The following TMEM163 variants were observed in gnomAD, a reference collection of about 807,000 sequenced individuals.
TMEM163 encodes transmembrane protein 163.
TMEM163 carries 17 observed loss-of-function variants against 29.3 expected under a neutral mutation model. That is an observed-to-expected ratio of 0.58 (90% CI 0.40 to 0.87). The LOEUF is 0.87. TMEM163 is among the 40% of genes least tolerant of loss of function. The probability of loss-of-function intolerance (pLI) is 0.00; values close to 1 mark genes in which losing one functional copy is unlikely to be tolerated. For synonymous variants in TMEM163, 157 were observed against 160.6 expected, an observed-to-expected ratio of 0.98 and a Z score of 0.17; for missense variants, 303 against 381.5, an observed-to-expected ratio of 0.79 and a Z score of 1.71.
At chr2:134,674,398 C>CAGT (rs1684060012) in intron 2 of TMEM163, among the ~76,000 whole-genome samples, 1 of 134,444 alleles carries the variant, frequency 7.4e-6, no homozygotes, top group Non-Finnish European at 1.5e-5. Context: ...GGCTGGAGTG[C>CAGT]AGTAGCACAA....
intron 1 of TMEM163, 84 bp downstream of exon 1, chr2:134,718,650 C>T (rs905165555): frequency 1.9e-6 from 2 of 1,031,700 alleles, no homozygotes; most frequent in African/African-American, 1.7e-5. Flanking sequence ...CCCCGCGCCT[C>T]GCCCAGCGCG....
intron 2 of TMEM163, among the ~76,000 whole-genome samples, chr2:134,702,858 G>A (rs1287347784): frequency 6.6e-6 from 1 of 152,160 alleles, no homozygotes; most frequent in South Asian, 2.1e-4. Flanking sequence ...GAAGTAGGGT[G>A]TGTATGGATA....
Position 134,456,637 on chromosome 2 carries a change from A to T in TMEM163, c.*79T>A. 6.6e-7 allele frequency: 1 copy of T among 1,515,370 alleles called. No homozygotes were observed. Among genetic ancestry groups the T allele is most frequent in the Non-Finnish European group, 9.1e-7 (1 of 1,099,702 alleles). The allele number at this position is 1,515,370 out of a possible 1,614,324, so 93.9% of individuals were successfully genotyped here. A position where few individuals can be genotyped will look rare whatever the true frequency, so the allele number is the denominator to read the frequency against. On this transcript the variant is annotated 3_prime_UTR_variant, in exon 8 of 8. Transcript: ENST00000281924. The stretch of plus-strand genomic sequence containing the variant: ...AAGAAAACTTCCAAAAAGAAACCAG[A>T]TGTTCAGTTAAATATTGGCACCCTT...
intron 4 of TMEM163, among the ~76,000 whole-genome samples, chr2:134,549,387 G>T (rs996428960): frequency 6.6e-6 from 1 of 152,176 alleles, no homozygotes; most frequent in Non-Finnish European, 1.5e-5. Context: ...TCGCTCTGTT[G>T]CCCAGGCTGC....
chr2:134,534,955 A>C (rs1680500144), intron 4 of TMEM163, among the ~76,000 whole-genome samples: 1 of 152,130 alleles, frequency 6.6e-6, no homozygotes. Context: ...TAAGGGGAGC[A>C]CTGAGATACA....
intron 4 of TMEM163, among the ~76,000 whole-genome samples, chr2:134,523,118 G>A (rs970269082): frequency 2.6e-5 from 4 of 152,208 alleles, no homozygotes; most frequent in Non-Finnish European, 4.4e-5. Context: ...ACTGAAACGT[G>A]TGTACACAGT....
At chr2:134,519,583 G>T (rs1021141091) in intron 4 of TMEM163, among the ~76,000 whole-genome samples, 1 of 152,032 alleles carries the variant, frequency 6.6e-6, no homozygotes, top group Admixed American at 6.6e-5. Context: ...GTGGTGGGGG[G>T]TGCCTGTAGT....
At chr2:134,604,778 A>G (rs929937815) in intron 2 of TMEM163, among the ~76,000 whole-genome samples, 27 of 152,242 alleles carry the variant, frequency 1.8e-4, no homozygotes, top group Admixed American at 1.8e-3. Context: ...AGAAGAAATC[A>G]TTGGTCAATA....
At chr2:134,718,540 G>A (rs1426698348) in intron 1 of TMEM163, among the ~76,000 whole-genome samples, 194 bp downstream of exon 1, 1 of 152,182 alleles carries the variant, frequency 6.6e-6, no homozygotes, top group Admixed American at 6.5e-5. Context: ...GGAAGGAACC[G>A]CAGCCGAGGC....
chr2:134,572,097 T>A lies in TMEM163; in HGVS notation c.323-20006A>T, dbSNP rs914972160. Among the ~76,000 whole-genome samples, 3 of 152,190 alleles carry A rather than the reference T, an allele frequency of 2.0e-5. No individual in the cohort carries two copies. The East Asian group carries it at 5.8e-4, about 29-fold the overall frequency. On this transcript the variant is annotated intron_variant, in intron 2 of 7. Coordinates refer to ENST00000281924, the MANE Select transcript of TMEM163 (RefSeq NM_030923.5). ...CCAAAACAGCTCTATTAACCTTCTC[T>A]ACACAAGACCAAAGTTGAATTCCTC... is the stretch of plus-strand genomic sequence containing the variant.
intron 2 of TMEM163, among the ~76,000 whole-genome samples, chr2:134,690,411 G>T (rs934566890): frequency 6.6e-6 from 1 of 151,440 alleles, no homozygotes; most frequent in Non-Finnish European, 1.5e-5. Flanking sequence ...TCAGCCTCCT[G>T]AGTAGCTGGG....
intron 6 of TMEM163, among the ~76,000 whole-genome samples, chr2:134,463,084 A>G (rs609299): frequency 0.37 from 56,846 of 152,132 alleles, 11,436 homozygotes; most frequent in East Asian, 0.66. Context: ...GCCTACCCCA[A>G]GGGCTCCTGC....
intron 2 of TMEM163, among the ~76,000 whole-genome samples, chr2:134,644,039 G>T (rs542400839): frequency 6.6e-6 from 1 of 152,126 alleles, no homozygotes; most frequent in South Asian, 2.1e-4. Flanking sequence ...AACATTAAAT[G>T]CAGGTAAATC....
intron 4 of TMEM163, among the ~76,000 whole-genome samples, chr2:134,512,108 CA>C (rs1289562018): frequency 6.6e-6 from 1 of 152,158 alleles, no homozygotes; most frequent in East Asian, 1.9e-4. Flanking sequence ...GCTACGAGGA[CA>C]AAACATGGCC....
intron 2 of TMEM163, among the ~76,000 whole-genome samples, chr2:134,668,841 G>A (rs921623078): frequency 6.6e-6 from 1 of 152,110 alleles, no homozygotes; most frequent in African/African-American, 2.4e-5. Context: ...GGCAAGATGG[G>A]CCTGTGTTCA....
intron 5 of TMEM163, among the ~76,000 whole-genome samples, chr2:134,485,772 G>C (rs1262416238): frequency 1.3e-5 from 2 of 152,144 alleles, no homozygotes; most frequent in African/African-American, 4.8e-5. Context: ...CAACAGGTCT[G>C]ATCCACAGAA....
intron 4 of TMEM163, among the ~76,000 whole-genome samples, chr2:134,505,775 T>C (rs1451228915): frequency 6.6e-6 from 1 of 152,178 alleles, no homozygotes; most frequent in East Asian, 1.9e-4. Context: ...AAGGCGGATA[T>C]GGATTCTGTT....
chr2:134,532,969 T>C (rs998910073), intron 4 of TMEM163, among the ~76,000 whole-genome samples: 3 of 152,198 alleles, frequency 2.0e-5, no homozygotes, highest in African/African-American at 7.2e-5. Context: ...CCAGCCTTCA[T>C]TCTCATTCAG....
chr2:134,602,133 T>C (rs1408809934), intron 2 of TMEM163, among the ~76,000 whole-genome samples: 1 of 152,182 alleles, frequency 6.6e-6, no homozygotes, highest in South Asian at 2.1e-4. Context: ...GAGTCTGAAA[T>C]GTCCGGTGAG....
Sources: gnomAD v4.1 joint callset for allele counts (sites outside exome capture counted in the v4.1 genomes callset) on GRCh38, gnomAD v4.1.1 for gene constraint, MANE v1.5 for transcripts, NCBI Gene and HGNC (gene_info 2026-07-23, HGNC 2026-07-21) for gene names.